Variants in NUB1 observed in about 807,000 individuals in gnomAD.
NUB1 encodes the protein negative regulator of ubiquitin like proteins 1.
In NUB1, 41 loss-of-function variants were observed where a neutral mutation model predicts 77.1. That is an observed-to-expected ratio of 0.53 (90% CI 0.41 to 0.69). NUB1 has a LOEUF of 0.69. Among genes scored for constraint, NUB1 ranks in the 30% least tolerant of loss-of-function variants. The pLI is 0.00. For missense variants in NUB1, 643 were observed against 743.8 expected (o/e 0.86, Z 1.58); for synonymous variants, 257 against 281.0 (o/e 0.91, Z 0.85).
chr7:151,354,826 T>G (rs1443657615), intron 5 of NUB1, among the ~76,000 whole-genome samples: 1 of 152,182 alleles, frequency 6.6e-6, no homozygotes. Context: ...CACTGCAGCC[T>G]CCACCTCCCA....
chr7:151,356,588 CTG>C (rs1247759709), intron 7 of NUB1, among the ~76,000 whole-genome samples: 1 of 152,322 alleles, frequency 6.6e-6, no homozygotes, highest in East Asian at 1.9e-4. Flanking sequence ...GGTAGGGAAA[CTG>C]TGTCGTTTGG....
At chr7:151,342,694 A>T (rs1584928007) in intron 1 of NUB1, among the ~76,000 whole-genome samples, 1 of 151,696 alleles carries the variant, frequency 6.6e-6, no homozygotes, top group African/African-American at 2.4e-5. Context: ...CAGTGGTTTA[A>T]TTTTTTTTTA....
chr7:151,368,983 C>G, intron 11 of NUB1, 96 bp downstream of exon 11: 1 of 1,266,662 alleles, frequency 7.9e-7, no homozygotes, highest in Non-Finnish European at 1.1e-6. Flanking sequence ...CTTTATTACT[C>G]CAGATTGGGA....
At chr7:151,347,766 A>G (rs1446115514) in intron 2 of NUB1, among the ~76,000 whole-genome samples, 1 of 152,166 alleles carries the variant, frequency 6.6e-6, no homozygotes, top group Non-Finnish European at 1.5e-5. Flanking sequence ...ATCTATACTC[A>G]TATCTATAAA....
chr7:151,357,172 A>G (rs933299726), intron 7 of NUB1, among the ~76,000 whole-genome samples: 63 of 139,412 alleles, frequency 4.5e-4, no homozygotes, highest in African/African-American at 1.6e-3. Flanking sequence ...ACACACCACC[A>G]TGTCCAGCTA....
rs982042274 is a variant in NUB1, at chr7:151,353,458, T to G, written c.415+576T>G. On this transcript the variant is annotated intron_variant, in intron 5 of 14. Coordinates refer to ENST00000568733, the MANE Select transcript of NUB1 (RefSeq NM_001243351.2). Reference sequence around the variant, plus strand: ...CGGGGGAGGTTGTGCTGCTGTCATTTAGTGGGTGGAGGCTAGGGATGCTGC... The same window carrying G: ...CGGGGGAGGTTGTGCTGCTGTCATTGAGTGGGTGGAGGCTAGGGATGCTGC... Among the ~76,000 whole-genome samples, 7 of 152,296 alleles carry G rather than the reference T, an allele frequency of 4.6e-5. No individual in the cohort carries two copies. The South Asian group carries it at 1.5e-3, about 32-fold the overall frequency.
intron 6 of NUB1, 84 bp from the exon 7 acceptor site, chr7:151,356,044 C>A: frequency 6.5e-7 from 1 of 1,542,262 alleles, no homozygotes; most frequent in Non-Finnish European, 9.0e-7. Context: ...TGAGTCTCAC[C>A]TCAACAGTCT....
rs1554405126 is a variant in NUB1, at chr7:151,341,987, T to TGGGCCGGGGCAG, written c.-3+151_-3+152insAGGGGCCGGGGC. ...GGGGGTGAGCAGCCATGCGTGGAGC[T>TGGGCCGGGGCAG]GGGCCGGGGCCGGGGCCGGGGCCGG... is the stretch of plus-strand genomic sequence containing the variant. On this transcript the variant is annotated intron_variant, in intron 1 of 14. Transcript: ENST00000568733. The TGGGCCGGGGCAG allele has an allele frequency of 7.0e-6, 9 of 1,284,838 alleles. No homozygotes were observed. The African/African-American group carries it at 1.4e-4, about 20-fold the overall frequency. 79.6% of individuals were successfully genotyped at this position (1,284,838 alleles called of 1,614,324 possible).
Position 151,368,833 on chromosome 7 carries a change from G to A in NUB1, c.1194G>A (p.Arg398=), listed in dbSNP as rs772155977. The change falls in exon 11 of 15, where the codon AGG becomes AGA. Residue 398 remains arginine, a synonymous_variant. Coordinates refer to ENST00000568733, the MANE Select transcript of NUB1 (RefSeq NM_001243351.2). Reference sequence around the variant, plus strand: ...CCCAGGAAGCCCGGCTTGGCCTGAGGGCGTGTGATGGGAACGTGGATCATG... The same window carrying A: ...CCCAGGAAGCCCGGCTTGGCCTGAGAGCGTGTGATGGGAACGTGGATCATG... ...FTAQEARLGL[R]ACDGNVDHAA... 1.9e-6 allele frequency: 3 copies of A among 1,614,014 alleles called. No homozygotes were observed. The highest frequency in any genetic ancestry group is 2.2e-5 in the South Asian group (2 of 91,080).
intron 1 of NUB1, among the ~76,000 whole-genome samples, chr7:151,343,872 T>A (rs542688541): frequency 1.2e-4 from 18 of 152,012 alleles, no homozygotes; most frequent in Non-Finnish European, 2.5e-4. Flanking sequence ...TGTAAAATGA[T>A]CCGATCAGTG....
intron 12 of NUB1, 177 bp downstream of exon 12, chr7:151,374,420 G>A (rs569341955): frequency 7.4e-6 from 6 of 809,324 alleles, no homozygotes; most frequent in Admixed American, 6.4e-5. Flanking sequence ...GTGAGGCCAC[G>A]TGAGGCCCCA....
rs1014077356 is a variant in NUB1 at position 151,378,034 on chromosome 7, T to C, written c.*809T>C. 2.0e-5 allele frequency: 3 copies of C among 152,240 alleles called. No individual in the cohort carries two copies. The highest frequency in any genetic ancestry group is 7.2e-5 in the African/African-American group (3 of 41,442). 9.4% of individuals were successfully genotyped at this position (152,240 alleles called of 1,614,324 possible). ...CTAGCTAAGAGACCTATCAGAGATT[T>C]AGATATATTTTCTCCAGGTTTTTTG... On this transcript the variant is annotated 3_prime_UTR_variant, in exon 15 of 15. Transcript: ENST00000568733.
chr7:151,344,180 CAAAAAAAAAA>C (rs561127147), intron 1 of NUB1, among the ~76,000 whole-genome samples: 19 of 45,640 alleles, frequency 4.2e-4, no homozygotes, highest in Non-Finnish European at 7.9e-4. Flanking sequence ...GACTCCCTCT[CAAAAAAAAAA>C]AAAAAAAAAA....
chr7:151,352,422 T>C (rs1796855952), intron 4 of NUB1: 1 of 278,178 alleles, frequency 3.6e-6, no homozygotes, highest in South Asian at 3.5e-5. Flanking sequence ...AAAAGAGCTA[T>C]CATGATTAAA....
Position 151,360,155 on chromosome 7 carries a change from T to C in NUB1, c.708T>C (p.Ala236=). The change falls in exon 8 of 15, where the codon GCT becomes GCC. Residue 236 remains alanine, a synonymous_variant. Coordinates refer to ENST00000568733, the MANE Select transcript of NUB1 (RefSeq NM_001243351.2). ...TTTTTTCCTAGGCCCTTATGTTAGC[T>C]ATGGGATATCATGAGAAGGGCAGAG... ...PPSERKALML[A]MGYHEKGRAF... 2 of 1,585,200 alleles carry C rather than the reference T, an allele frequency of 1.3e-6. No homozygotes were observed. Among genetic ancestry groups the C allele is most frequent in the Non-Finnish European group, 1.7e-6 (2 of 1,154,284 alleles).
chr7:151,351,246 G>C (rs1224057956), intron 3 of NUB1, 178 bp from the exon 4 acceptor site: 3 of 599,698 alleles, frequency 5.0e-6, no homozygotes, highest in Non-Finnish European at 8.9e-6. Flanking sequence ...AGGACGTGCA[G>C]GTCACAGGGT....
At chr7:151,368,626 T>C in intron 10 of NUB1, 109 bp from the exon 11 acceptor site, 1 of 1,268,502 alleles carries the variant, frequency 7.9e-7, no homozygotes, top group South Asian at 1.6e-5. Context: ...CAAAATCTGA[T>C]GCCTTTTAAT....
intron 11 of NUB1, among the ~76,000 whole-genome samples, chr7:151,370,649 C>T (rs193302225): frequency 2.2e-4 from 34 of 151,346 alleles, no homozygotes; most frequent in African/African-American, 7.8e-4. Context: ...CCCATTAACT[C>T]GTCATTTAGC....
intron 2 of NUB1, among the ~76,000 whole-genome samples, chr7:151,348,840 G>C (rs1318763258): frequency 6.6e-6 from 1 of 151,972 alleles, no homozygotes. Flanking sequence ...CTCCCAAAGT[G>C]CTGGGATTAC....
Sources: allele counts gnomAD v4.1 joint callset (sites outside exome capture counted in the v4.1 genomes callset), GRCh38; gene constraint gnomAD v4.1.1; transcripts MANE v1.5; gene names NCBI Gene and HGNC (gene_info 2026-07-23, HGNC 2026-07-21).